The following AP2M1 variants were observed in gnomAD, a reference collection of about 807,000 sequenced individuals.
AP2M1 encodes adaptor related protein complex 2 subunit mu 1, also known as AP-2 complex subunit mu.
AP2M1 carries 5 observed loss-of-function variants against 54.5 expected under a neutral mutation model. That is an observed-to-expected ratio of 0.09 (90% CI 0.05 to 0.19). The LOEUF (loss-of-function observed/expected upper bound fraction) is 0.19, where lower values mean the gene tolerates loss of function less well. Among genes scored for constraint, AP2M1 ranks in the 10% least tolerant of loss-of-function variants. AP2M1 has a pLI of 1.00. For synonymous variants in AP2M1, 186 were observed against 208.2 expected, an observed-to-expected ratio of 0.89 and a Z score of 0.92; for missense variants, 178 against 580.2, an observed-to-expected ratio of 0.31 and a Z score of 7.12.
In AP2M1 at chr3:184,180,664, T is replaced by G; in HGVS notation, c.429+14T>G. 1 of 1,614,206 alleles carries G rather than the reference T, an allele frequency of 6.2e-7. No homozygotes were observed. Among genetic ancestry groups the G allele is most frequent in the African/African-American group, 1.3e-5 (1 of 75,052 alleles). On this transcript the variant is annotated intron_variant, in intron 5 of 11. Transcript: ENST00000292807. The surrounding 1 kb of genome is among the most constrained non-coding windows in gnomAD (Gnocchi z 4.9). ...CTCCAGCATCAGGTAAGCTCTTCCC[T>G]CAGCTTCCACCCTTGCAGCTTTGCT...
intron 2 of AP2M1, chr3:184,177,561 C>T (rs1278772269): frequency 1.3e-6 from 2 of 1,536,018 alleles, no homozygotes; most frequent in Non-Finnish European, 8.7e-7. Flanking sequence ...AGGCTGCTGA[C>T]TCAGCTGTCT....
Position 184,183,994 on chromosome 3 carries a change from C to T in AP2M1, c.*378C>T, listed in dbSNP as rs368974400. On this transcript the variant is annotated 3_prime_UTR_variant, in exon 12 of 12. Coordinates refer to ENST00000292807, the MANE Select transcript of AP2M1 (RefSeq NM_004068.4). The surrounding 1 kb of genome is among the most constrained non-coding windows in gnomAD (Gnocchi z 5.7). ...CCCCCAAAGGCCAGTAATGGATCCC[C>T]GGCCTCAGTCCCTACTCTGCTTTGG... The T allele has an allele frequency of 4.2e-4, 93 of 223,982 alleles. No homozygotes were observed. Among genetic ancestry groups the T allele is most frequent in the South Asian group, 2.1e-3 (28 of 13,566 alleles). 13.9% of individuals were successfully genotyped at this position (223,982 alleles called of 1,614,324 possible).
chr3:184,176,847 A>G (rs1715089299), intron 1 of AP2M1, 104 bp from the exon 2 acceptor site: 3 of 740,118 alleles, frequency 4.1e-6, no homozygotes, highest in Non-Finnish European at 6.3e-6. Context: ...GTCACTTACT[A>G]AAGGGTTGAG....
chr3:184,182,361 C>A lies in AP2M1; in HGVS notation c.1061+113C>A. 1 of 1,136,938 alleles carries A rather than the reference C, an allele frequency of 8.8e-7. No individual in the cohort carries two copies. Among genetic ancestry groups the A allele is most frequent in the Non-Finnish European group, 1.2e-6 (1 of 804,684 alleles). 70.4% of individuals were successfully genotyped at this position (1,136,938 alleles called of 1,614,324 possible). On this transcript the variant is annotated intron_variant, in intron 10 of 11. Coordinates refer to ENST00000292807, the MANE Select transcript of AP2M1 (RefSeq NM_004068.4). This position sits in a 1 kb window ranked among gnomAD's most constrained non-coding sequence, Gnocchi z 5.5. The stretch of plus-strand genomic sequence containing the variant: ...CAGGGGAGTGTGCCTGTTTGCTTTT[C>A]TAGGAGCCTCTGCTTGTACTGTCAG...
chr3:184,180,817 G>C lies in AP2M1; in HGVS notation c.430-32G>C, dbSNP rs533824699. The C allele has an allele frequency of 5.6e-6, 9 of 1,614,098 alleles. No homozygotes were observed. The highest frequency in any genetic ancestry group is 1.7e-5 in the Admixed American group (1 of 60,016). On this transcript the variant is annotated intron_variant, in intron 5 of 11. Coordinates refer to ENST00000292807, the MANE Select transcript of AP2M1 (RefSeq NM_004068.4). The surrounding 1 kb of genome is among the most constrained non-coding windows in gnomAD (Gnocchi z 4.9). ...GATGATTAAAGGGACAGAGGAGTGA[G>C]GCCATTGCTGTTTGTTTCTGCCCTC...
At position 184,180,822 on chromosome 3, in the gene AP2M1, T is replaced by C. The variant is rs765969606; in HGVS notation, c.430-27T>C. On this transcript the variant is annotated intron_variant, in intron 5 of 11. Transcript: ENST00000292807. This position sits in a 1 kb window ranked among gnomAD's most constrained non-coding sequence, Gnocchi z 4.9. ...TTAAAGGGACAGAGGAGTGAGGCCA[T>C]TGCTGTTTGTTTCTGCCCTCATGTA... 7 of 1,614,188 alleles carry C rather than the reference T, an allele frequency of 4.3e-6. No individual in the cohort carries two copies. In the South Asian group the frequency reaches 5.5e-5, roughly 13 times the overall value.
At chr3:184,177,242 G>A (rs1054284197) in intron 2 of AP2M1, among the ~76,000 whole-genome samples, 175 bp downstream of exon 2, 1 of 152,220 alleles carries the variant, frequency 6.6e-6, no homozygotes, top group Non-Finnish European at 1.5e-5. Flanking sequence ...GTATTGGCCC[G>A]GCAGCCAGCC....
chr3:184,183,791 C>T lies in AP2M1; in HGVS notation c.*175C>T. 1 of 699,508 alleles carries T rather than the reference C, an allele frequency of 1.4e-6. No individual in the cohort carries two copies. The highest frequency in any genetic ancestry group is 2.9e-5 in the Admixed American group (1 of 33,964). 43.3% of individuals were successfully genotyped at this position (699,508 alleles called of 1,614,324 possible). A position where few individuals can be genotyped will look rare whatever the true frequency, so the allele number is the denominator to read the frequency against. ...ATTACAAGTGGGACCGGTGGAGCAG[C>T]CCCTGGGCTCCCTGGGCAGGGGAGT... On this transcript the variant is annotated 3_prime_UTR_variant, in exon 12 of 12. Coordinates refer to ENST00000292807, the MANE Select transcript of AP2M1 (RefSeq NM_004068.4). This position sits in a 1 kb window ranked among gnomAD's most constrained non-coding sequence, Gnocchi z 5.7.
chr3:184,179,314 G>A (rs757289177), intron 3 of AP2M1, 192 bp downstream of exon 3: 8 of 685,102 alleles, frequency 1.2e-5, no homozygotes, highest in Admixed American at 3.0e-5. Flanking sequence ...AGGCTGGTCT[G>A]AAGTAGAACA....
rs199917511 is a variant in AP2M1 at position 184,180,824 on chromosome 3, G to A, written c.430-25G>A. Reference sequence around the variant, plus strand: ...AAAGGGACAGAGGAGTGAGGCCATTGCTGTTTGTTTCTGCCCTCATGTAGA... The same window carrying A: ...AAAGGGACAGAGGAGTGAGGCCATTACTGTTTGTTTCTGCCCTCATGTAGA... On this transcript the variant is annotated intron_variant, in intron 5 of 11. Transcript: ENST00000292807. This position sits in a 1 kb window ranked among gnomAD's most constrained non-coding sequence, Gnocchi z 4.9. The A allele has an allele frequency of 1.2e-4, 193 of 1,614,158 alleles. No homozygotes were observed. Among genetic ancestry groups the A allele is most frequent in the Non-Finnish European group, 1.5e-4 (173 of 1,180,062 alleles).
rs1041873980 is a variant in AP2M1 at position 184,178,914 on chromosome 3, C to T, written c.132C>T (p.Arg44=). The change falls in exon 3 of 12, where the codon CGC becomes CGT. Residue 44 remains arginine (R), a synonymous_variant. Transcript: ENST00000292807. The surrounding 1 kb of genome is among the most constrained non-coding windows in gnomAD (Gnocchi z 4.9). Reference sequence around the variant, plus strand: ...TTATCCATGCCCGGCAGCAGGTGCGCAGCCCCGTCACCAACATTGCTCGCA... The same window carrying T: ...TTATCCATGCCCGGCAGCAGGTGCGTAGCCCCGTCACCAACATTGCTCGCA... ...VNVIHARQQV[R]SPVTNIARTS... 6.2e-6 allele frequency: 10 copies of T among 1,614,032 alleles called. No homozygotes were observed. In the African/African-American group the frequency reaches 1.3e-4, roughly 22 times the overall value.
chr3:184,183,077 T>C lies in AP2M1; in HGVS notation c.1173+209T>C, dbSNP rs988256773. 4 of 629,834 alleles carry C rather than the reference T, an allele frequency of 6.4e-6. No homozygotes were observed. The African/African-American group carries it at 7.3e-5, about 11-fold the overall frequency. The allele number at this position is 629,834 out of a possible 1,614,324, so 39.0% of individuals were successfully genotyped here. On this transcript the variant is annotated intron_variant, in intron 11 of 11. Transcript: ENST00000292807. This position sits in a 1 kb window ranked among gnomAD's most constrained non-coding sequence, Gnocchi z 5.7. ...AGGCAAATCTTTTACTTCTCTCGGC[T>C]TGTCCTAACACAGTTCTTTCAAAAA... is the stretch of plus-strand genomic sequence containing the variant.
chr3:184,177,677 A>C, intron 2 of AP2M1: 1 of 1,419,776 alleles, frequency 7.0e-7, no homozygotes. Flanking sequence ...GTAGACCCAG[A>C]GCAGCTCCAT....
intron 2 of AP2M1, chr3:184,177,825 G>T: frequency 1.7e-6 from 1 of 596,746 alleles, no homozygotes; most frequent in Non-Finnish European, 3.0e-6. Context: ...CCTGCTGCCT[G>T]TTTTTCTTCC....
chr3:184,178,003 T>C lies in AP2M1; in HGVS notation c.75-854T>C. 1 of 656,806 alleles carries C rather than the reference T, an allele frequency of 1.5e-6. No individual in the cohort carries two copies. Among genetic ancestry groups the C allele is most frequent in the South Asian group, 1.7e-5 (1 of 57,762 alleles). 40.7% of individuals were successfully genotyped at this position (656,806 alleles called of 1,614,324 possible). ...AAGGCCTGGCCTGTCTGAACCTGGC[T>C]GGCTACACCCCCCACCCCAGACCCC... On this transcript the variant is annotated intron_variant, in intron 2 of 11. Coordinates refer to ENST00000292807, the MANE Select transcript of AP2M1 (RefSeq NM_004068.4). The surrounding 1 kb of genome is among the most constrained non-coding windows in gnomAD (Gnocchi z 4.9).
At position 184,177,725 on chromosome 3, in the gene AP2M1, C is replaced by T. The variant is rs1715121731; in HGVS notation, c.74+658C>T. On this transcript the variant is annotated intron_variant, in intron 2 of 11. Transcript: ENST00000292807. ...CACACAGAGCCACAGCCTGCCTTCT[C>T]ATTCTGCGCCCCCTTGCACGCCCTT... The T allele has an allele frequency of 1.6e-5, 16 of 1,014,674 alleles. 2 individuals are homozygous for T. In the South Asian group the frequency reaches 2.4e-4, roughly 15 times the overall value. The allele number at this position is 1,014,674 out of a possible 1,614,324, so 62.9% of individuals were successfully genotyped here. A position where few individuals can be genotyped will look rare whatever the true frequency, so the allele number is the denominator to read the frequency against.
Position 184,180,364 on chromosome 3 carries a change from T to C in AP2M1, c.423+113T>C. 7.4e-7 allele frequency: 1 copy of C among 1,343,420 alleles called. No individual in the cohort carries two copies. 83.2% of individuals were successfully genotyped at this position (1,343,420 alleles called of 1,614,324 possible). A position where few individuals can be genotyped will look rare whatever the true frequency, so the allele number is the denominator to read the frequency against. On this transcript the variant is annotated intron_variant, in intron 4 of 11. Transcript: ENST00000292807. The surrounding 1 kb of genome is among the most constrained non-coding windows in gnomAD (Gnocchi z 4.9). ...TGAGCCCTCCCATGACAGGAAGTGC[T>C]GGCCTGAGCCTCCTGCCATGATTGC...
In AP2M1 at chr3:184,181,660, C is replaced by T. The variant is rs1289894503; in HGVS notation, c.708-36C>T. Reference sequence around the variant, plus strand: ...TCCCAGCATGACAGCTGTCATTCTCCTGTACCAATGAGACCTCTTCTGCCC... The same window carrying T: ...TCCCAGCATGACAGCTGTCATTCTCTTGTACCAATGAGACCTCTTCTGCCC... On this transcript the variant is annotated intron_variant, in intron 7 of 11. Coordinates refer to ENST00000292807, the MANE Select transcript of AP2M1 (RefSeq NM_004068.4). The surrounding 1 kb of genome is among the most constrained non-coding windows in gnomAD (Gnocchi z 5.7). 1.2e-6 allele frequency: 2 copies of T among 1,611,584 alleles called. No homozygotes were observed. Among genetic ancestry groups the T allele is most frequent in the Non-Finnish European group, 1.7e-6 (2 of 1,179,112 alleles).
intron 1 of AP2M1, among the ~76,000 whole-genome samples, chr3:184,175,726 C>T (rs1019216121): frequency 6.6e-6 from 1 of 152,130 alleles, no homozygotes; most frequent in South Asian, 2.1e-4. Context: ...CATTCTTGCC[C>T]AAGGCCCCCC....
Sources: gnomAD v4.1 joint callset for allele counts (sites outside exome capture counted in the v4.1 genomes callset) on GRCh38, gnomAD v4.1.1 for gene constraint, Gnocchi (gnomAD v3.1) non-coding constraint, MANE v1.5 for transcripts, NCBI Gene and HGNC (gene_info 2026-07-23, HGNC 2026-07-21) for gene names.